The following CCDC172 variants were observed in gnomAD, a reference collection of about 807,000 sequenced individuals.
CCDC172 encodes coiled-coil domain-containing protein 172.
In CCDC172, 30 loss-of-function variants were observed where a neutral mutation model predicts 38.0. The observed-to-expected ratio is 0.79, with a 90% confidence interval of 0.59 to 1.07. The LOEUF (loss-of-function observed/expected upper bound fraction) is 1.07, where lower values mean the gene tolerates loss of function less well. CCDC172 is among the 50% of genes least tolerant of loss of function. CCDC172 has a pLI of 0.00. For missense variants in CCDC172, 297 were observed against 290.1 expected (o/e 1.02, Z -0.17); for synonymous variants, 78 against 88.3 (o/e 0.88, Z 0.66).
intron 6 of CCDC172, 125 bp downstream of exon 6, chr10:116,357,606 G>T: frequency 1.1e-6 from 1 of 916,086 alleles, no homozygotes; most frequent in Non-Finnish European, 1.5e-6. Flanking sequence ...GTATAAAAAA[G>T]AAATAGATAA....
chr10:116,334,840 AC>A (rs1404041467), intron 3 of CCDC172, among the ~76,000 whole-genome samples: 1 of 152,084 alleles, frequency 6.6e-6, no homozygotes, highest in African/African-American at 2.4e-5. Context: ...CAGTTTTACT[AC>A]TCATACACTG....
chr10:116,349,563 T>C (rs902071844), intron 5 of CCDC172, among the ~76,000 whole-genome samples: 3 of 152,190 alleles, frequency 2.0e-5, no homozygotes, highest in Non-Finnish European at 4.4e-5. Flanking sequence ...AATTACACAC[T>C]TGTATGATTA....
chr10:116,349,499 C>T (rs908870973), intron 5 of CCDC172, among the ~76,000 whole-genome samples: 1 of 152,146 alleles, frequency 6.6e-6, no homozygotes, highest in Non-Finnish European at 1.5e-5. Flanking sequence ...ATTAGGTCAG[C>T]TCTTCTGGTT....
chr10:116,337,128 TG>T (rs1844741906), intron 3 of CCDC172, among the ~76,000 whole-genome samples: 1 of 151,088 alleles, frequency 6.6e-6, no homozygotes, highest in Admixed American at 6.6e-5. Flanking sequence ...CAGTATTTTC[TG>T]ACAAAGCTTG....
In CCDC172 at chr10:116,378,520, CATT is replaced by C. The variant is rs1482187585; in HGVS notation, c.741+11_741+13del. 3.1e-6 allele frequency: 5 copies of C among 1,588,018 alleles called. No homozygotes were observed. Among genetic ancestry groups the C allele is most frequent in the Non-Finnish European group, 4.3e-6 (5 of 1,164,082 alleles). The stretch of plus-strand genomic sequence containing the variant: ...AGAATTTTTGGAGTTGGTAAGTTAT[CATT>C]GATTGTTTAACTTTTGTTCAGCATT... On this transcript the variant is annotated intron_variant, in intron 8 of 8. Coordinates refer to ENST00000333254, the MANE Select transcript of CCDC172 (RefSeq NM_198515.3).
intron 3 of CCDC172, among the ~76,000 whole-genome samples, chr10:116,325,749 T>C (rs1047901509): frequency 1.1e-4 from 16 of 152,256 alleles, no homozygotes; most frequent in Admixed American, 7.2e-4. Context: ...TGTGCTATGT[T>C]GATATAACAA....
chr10:116,337,848 G>A (rs1186378820), intron 3 of CCDC172, among the ~76,000 whole-genome samples: 1 of 152,022 alleles, frequency 6.6e-6, no homozygotes, highest in Non-Finnish European at 1.5e-5. Context: ...TACATTCAGG[G>A]TTATATTTCG....
intron 5 of CCDC172, among the ~76,000 whole-genome samples, chr10:116,347,351 G>A (rs1844880069): frequency 6.6e-6 from 1 of 152,114 alleles, no homozygotes; most frequent in African/African-American, 2.4e-5. Flanking sequence ...CTAGAATAAG[G>A]ACTAAGAAGC....
intron 3 of CCDC172, among the ~76,000 whole-genome samples, chr10:116,329,204 T>C (rs187207921): frequency 6.6e-6 from 1 of 152,288 alleles, no homozygotes; most frequent in Admixed American, 6.5e-5. Flanking sequence ...ATGTTTGTCA[T>C]GAGTAATTAT....
Position 116,342,212 on chromosome 10 carries a change from A to G in CCDC172, c.448+11A>G. 2 of 1,519,514 alleles carry G rather than the reference A, an allele frequency of 1.3e-6. No individual in the cohort carries two copies. The highest frequency in any genetic ancestry group is 2.6e-5 in the South Asian group (2 of 75,802). The allele number at this position is 1,519,514 out of a possible 1,614,324, so 94.1% of individuals were successfully genotyped here. On this transcript the variant is annotated intron_variant, in intron 5 of 8. Coordinates refer to ENST00000333254, the MANE Select transcript of CCDC172 (RefSeq NM_198515.3). The stretch of plus-strand genomic sequence containing the variant: ...ACATGTTGAAAAGTGGTATGAATAA[A>G]TATCACCTCATTTGTCTTGCATTAA...
chr10:116,354,812 G>A (rs1402169156), intron 5 of CCDC172, among the ~76,000 whole-genome samples: 1 of 152,224 alleles, frequency 6.6e-6, no homozygotes, highest in Admixed American at 6.5e-5. Flanking sequence ...GTAGGGGCTT[G>A]TCTTCCAGGA....
chr10:116,328,981 C>G (rs1243215899), intron 3 of CCDC172, among the ~76,000 whole-genome samples: 1 of 152,098 alleles, frequency 6.6e-6, no homozygotes, highest in Non-Finnish European at 1.5e-5. Flanking sequence ...GGCAATTATT[C>G]ATTCAACAAA....
At chr10:116,361,714 A>C (rs540943538) in intron 7 of CCDC172, among the ~76,000 whole-genome samples, 1 of 152,320 alleles carries the variant, frequency 6.6e-6, no homozygotes, top group South Asian at 2.1e-4. Flanking sequence ...TCATGTAGTA[A>C]AGCAGTGCTG....
chr10:116,376,349 G>T (rs1845243527), intron 7 of CCDC172, among the ~76,000 whole-genome samples: 1 of 152,088 alleles, frequency 6.6e-6, no homozygotes, highest in African/African-American at 2.4e-5. Flanking sequence ...GCTTAGGTTT[G>T]GGAGAGCAAT....
intron 7 of CCDC172, among the ~76,000 whole-genome samples, chr10:116,371,342 T>C (rs1427604568): frequency 6.6e-6 from 1 of 151,986 alleles, no homozygotes; most frequent in Non-Finnish European, 1.5e-5. Context: ...TGGTCAATTA[T>C]ATTAATGAAT....
At chr10:116,331,254 A>T (rs1224305859) in intron 3 of CCDC172, among the ~76,000 whole-genome samples, 1 of 152,200 alleles carries the variant, frequency 6.6e-6, no homozygotes, top group Non-Finnish European at 1.5e-5. Flanking sequence ...TCATGAAAAC[A>T]ATCAAACAAA....
At chr10:116,332,041 C>T (rs901952686) in intron 3 of CCDC172, among the ~76,000 whole-genome samples, 3 of 152,092 alleles carry the variant, frequency 2.0e-5, no homozygotes, top group Non-Finnish European at 4.4e-5. Context: ...TTCTCAATTC[C>T]TGGCAGTACA....
chr10:116,344,687 T>A (rs984398031), intron 5 of CCDC172, among the ~76,000 whole-genome samples: 1 of 152,158 alleles, frequency 6.6e-6, no homozygotes, highest in Non-Finnish European at 1.5e-5. Context: ...CAAAGTAAAT[T>A]AACATTAACT....
intron 3 of CCDC172, among the ~76,000 whole-genome samples, chr10:116,328,344 C>G (rs12782856): frequency 0.051 from 7,801 of 152,044 alleles, 277 homozygotes; most frequent in Non-Finnish European, 0.079. Context: ...TGCATTCATG[C>G]TTACCAATAC....
Sources: allele counts gnomAD v4.1 joint callset (sites outside exome capture counted in the v4.1 genomes callset), GRCh38; gene constraint gnomAD v4.1.1; transcripts MANE v1.5; gene names NCBI Gene and HGNC (gene_info 2026-07-23, HGNC 2026-07-21).